Variants in AGBL1 observed in about 807,000 individuals in gnomAD.
AGBL1 encodes the protein AGBL carboxypeptidase 1.
In AGBL1, 130 loss-of-function variants were observed where a neutral mutation model predicts 118.9. The observed-to-expected ratio is 1.09, with a 90% confidence interval of 0.95 to 1.26. The LOEUF is 1.26. Ranked by LOEUF, AGBL1 falls within the 50% of genes most tolerant of loss-of-function variation. The pLI, the probability that AGBL1 is intolerant of heterozygous loss-of-function variation, is 0.00. For missense variants in AGBL1, 1,584 were observed against 1,298.1 expected, an observed-to-expected ratio of 1.22 and a Z score of -3.38; for synonymous variants, 555 against 478.9, an observed-to-expected ratio of 1.16 and a Z score of -2.08.
intron 22 of AGBL1, among the ~76,000 whole-genome samples, chr15:86,841,857 A>G (rs1477002241): frequency 6.6e-6 from 1 of 152,148 alleles, no homozygotes; most frequent in African/African-American, 2.4e-5. Flanking sequence ...CAAAAAATAA[A>G]AATAAAAATA....
chr15:86,993,776 C>T lies in AGBL1; in HGVS notation c.3323+5688C>T, dbSNP rs560359779. 2.4e-4 allele frequency among the ~76,000 whole-genome samples: 37 copies of T among 152,292 alleles called. No individual in the cohort carries two copies. The South Asian group carries it at 7.7e-3, about 32-fold the overall frequency. ...GAAGCCAGATTTCAATGAATCTCCA[C>T]TTCAAATGTCAGATCCCCTTCTCAG... On this transcript the variant is annotated intron_variant, in intron 24 of 24. Transcript: ENST00000441037.
intron 21 of AGBL1, among the ~76,000 whole-genome samples, chr15:86,643,021 G>T (rs796305601): frequency 2.0e-5 from 3 of 152,254 alleles, no homozygotes; most frequent in African/African-American, 7.2e-5. Context: ...CAATGACTTG[G>T]TTTCTTTTTA....
At chr15:86,636,232 C>A (rs1179636192) in intron 21 of AGBL1, among the ~76,000 whole-genome samples, 1 of 152,034 alleles carries the variant, frequency 6.6e-6, no homozygotes, top group African/African-American at 2.4e-5. Context: ...AACAGTAGGG[C>A]CCTGGAAGGA....
intron 18 of AGBL1, among the ~76,000 whole-genome samples, chr15:86,430,488 G>A (rs1178581462): frequency 3.2e-5 from 4 of 125,928 alleles, no homozygotes; most frequent in African/African-American, 6.2e-5. Flanking sequence ...AAGCGCCGTC[G>A]CAAAAAAAAA....
intron 23 of AGBL1, among the ~76,000 whole-genome samples, chr15:86,966,980 A>G (rs1251072049): frequency 1.3e-5 from 2 of 152,014 alleles, no homozygotes; most frequent in East Asian, 3.9e-4. Flanking sequence ...CATCCTCTCC[A>G]GTACCTGTTG....
chr15:86,925,715 C>CT (rs2080529772), intron 23 of AGBL1, among the ~76,000 whole-genome samples: 1 of 135,984 alleles, frequency 7.4e-6, no homozygotes, highest in African/African-American at 2.8e-5. Context: ...TTTTCTTTTT[C>CT]TTTTCTTTTT....
chr15:86,894,087 A>C (rs1223828032), intron 22 of AGBL1, among the ~76,000 whole-genome samples: 1 of 152,136 alleles, frequency 6.6e-6, no homozygotes, highest in Non-Finnish European at 1.5e-5. Flanking sequence ...TTCACTTTTG[A>C]ATGTGTGTTT....
At position 86,334,364 on chromosome 15, in the gene AGBL1, A is replaced by G. The variant is rs763914563; in HGVS notation, c.2374+38956A>G. ...ATGTACAAAAATCAGTAGCATTTCT[A>G]TACATCAATAACATTCAAACTGAGA... On this transcript the variant is annotated intron_variant, in intron 17 of 22. Coordinates refer to ENST00000614907, the MANE Select transcript of AGBL1 (RefSeq NM_001386094.1). Among the ~76,000 whole-genome samples, 965 of 152,330 alleles carry G rather than the reference A, an allele frequency of 6.3e-3. 73 individuals carry two copies. The East Asian group carries it at 0.15, about 24-fold the overall frequency.
chr15:86,871,536 G>T (rs377670250), intron 22 of AGBL1, among the ~76,000 whole-genome samples: 2 of 152,206 alleles, frequency 1.3e-5, no homozygotes, highest in African/African-American at 4.8e-5. Context: ...GGATCCTCAG[G>T]CTCTCTCCTC....
At chr15:86,854,408 G>C (rs981482663) in intron 22 of AGBL1, among the ~76,000 whole-genome samples, 1 of 152,140 alleles carries the variant, frequency 6.6e-6, no homozygotes, top group Non-Finnish European at 1.5e-5. Context: ...GAGGTGAACT[G>C]TGGTATTTCT....
chr15:86,914,826 C>T lies in AGBL1; in HGVS notation c.*7532C>T, dbSNP rs965006783. On this transcript the variant is annotated 3_prime_UTR_variant, in exon 23 of 23. Transcript: ENST00000614907. ...CCCTCTGAGAGGTTATGGAGCAAGTCTCCATTTCTAGGAAAGTGTGTTGTT... is the reference window on the plus strand; with the variant it reads ...CCCTCTGAGAGGTTATGGAGCAAGTTTCCATTTCTAGGAAAGTGTGTTGTT... 7 of 152,182 alleles carry T rather than the reference C, an allele frequency of 4.6e-5. No individual in the cohort carries two copies. The highest frequency in any genetic ancestry group is 1.7e-4 in the African/African-American group (7 of 41,438). 9.4% of individuals were successfully genotyped at this position (152,182 alleles called of 1,614,324 possible).
chr15:86,643,938 T>G (rs760664550), intron 21 of AGBL1, among the ~76,000 whole-genome samples: 1 of 152,182 alleles, frequency 6.6e-6, no homozygotes, highest in Non-Finnish European at 1.5e-5. Flanking sequence ...TTTTTACTCT[T>G]ACTTAATCTT....
intron 17 of AGBL1, among the ~76,000 whole-genome samples, chr15:86,345,170 C>A (rs1000719409): frequency 4.6e-5 from 7 of 151,892 alleles, no homozygotes; most frequent in African/African-American, 1.7e-4. Flanking sequence ...TCTTATTTTA[C>A]CTGCAGGAAA....
rs12907158 is a variant in AGBL1, at chr15:86,797,312, T to G, written c.3159-109775T>G. On this transcript the variant is annotated intron_variant, in intron 22 of 22. Transcript: ENST00000614907. ...CCTGGGCTGTTCCAGCATGACAGAT[T>G]CCTCTTTACATCCCAGTGATAAGTG... Among the ~76,000 whole-genome samples, 1,487 of 152,290 alleles carry G rather than the reference T, an allele frequency of 9.8e-3. 11 individuals carry two copies. The highest frequency in any genetic ancestry group is 0.016 in the Non-Finnish European group (1,093 of 68,018).
chr15:86,197,061 C>T (rs951981799), intron 5 of AGBL1, among the ~76,000 whole-genome samples: 2 of 152,148 alleles, frequency 1.3e-5, no homozygotes, highest in East Asian at 1.9e-4. Context: ...CTTAACCCAC[C>T]CAGTCTCTGA....
rs538369978 is a variant in AGBL1 at position 86,201,667 on chromosome 15, G to T, written c.489-23247G>T. Among the ~76,000 whole-genome samples, 4 of 152,312 alleles carry T rather than the reference G, an allele frequency of 2.6e-5. No homozygotes were observed. In the East Asian group the frequency reaches 7.7e-4, roughly 29 times the overall value. ...ACCATGGTGCAAAACCTGGCAGCTG[G>T]AGGGAGGAGAGGGGAGCACAATGGA... On this transcript the variant is annotated intron_variant, in intron 5 of 22. Transcript: ENST00000614907.
chr15:86,659,496 C>T (rs1246723188), intron 21 of AGBL1, among the ~76,000 whole-genome samples: 2 of 152,120 alleles, frequency 1.3e-5, no homozygotes, highest in African/African-American at 2.4e-5. Flanking sequence ...TCTCTTCTGT[C>T]TATAGCAACT....
chr15:86,486,027 A>C (rs2082708271), intron 18 of AGBL1, among the ~76,000 whole-genome samples: 1 of 152,118 alleles, frequency 6.6e-6, no homozygotes, highest in Admixed American at 6.6e-5. Flanking sequence ...GTTGACACTT[A>C]GGTTCTTCTG....
intron 3 of AGBL1, among the ~76,000 whole-genome samples, chr15:86,152,451 T>G (rs957436274): frequency 1.3e-5 from 2 of 152,314 alleles, no homozygotes; most frequent in Admixed American, 6.5e-5. Context: ...CTGGGAAAAC[T>G]GGCCAGCGAT....
Sources: allele counts gnomAD v4.1 joint callset (sites outside exome capture counted in the v4.1 genomes callset), GRCh38; gene constraint gnomAD v4.1.1; transcripts MANE v1.5; gene names NCBI Gene and HGNC (gene_info 2026-07-23, HGNC 2026-07-21).